Variants in CDH18 observed in about 807,000 individuals in gnomAD.
The protein encoded by CDH18 is cadherin-18.
CDH18 carries 31 observed loss-of-function variants against 67.9 expected under a neutral mutation model. The ratio of observed to expected loss-of-function variants is 0.46; its 90% CI spans 0.34 to 0.62. The LOEUF (loss-of-function observed/expected upper bound fraction) is 0.62. Ranked by LOEUF, CDH18 falls within the 20% of genes least tolerant of loss-of-function variation. The pLI is 0.01. For synonymous variants in CDH18, 362 were observed against 347.2 expected (o/e 1.04, Z -0.48); for missense variants, 890 against 975.5 (o/e 0.91, Z 1.17).
intron 3 of CDH18, among the ~76,000 whole-genome samples, chr5:19,800,581 T>C (rs903304427): frequency 6.6e-6 from 1 of 152,088 alleles, no homozygotes; most frequent in African/African-American, 2.4e-5. Flanking sequence ...GTATTTTATA[T>C]ATATTGAAAA....
At chr5:20,539,435 T>C (rs1258917998) in intron 1 of CDH18, among the ~76,000 whole-genome samples, 2 of 152,102 alleles carry the variant, frequency 1.3e-5, no homozygotes, top group African/African-American at 4.8e-5. Flanking sequence ...CCATTGACAA[T>C]GTTTCTGGTA....
At chr5:20,371,395 C>T (rs1192283180) in intron 1 of CDH18, among the ~76,000 whole-genome samples, 1 of 152,086 alleles carries the variant, frequency 6.6e-6, no homozygotes, top group Non-Finnish European at 1.5e-5. Context: ...ATCAGACAAT[C>T]GGCAATGCCT....
At chr5:19,843,435 A>C (rs1440401061) in intron 2 of CDH18, among the ~76,000 whole-genome samples, 3 of 152,196 alleles carry the variant, frequency 2.0e-5, no homozygotes, top group African/African-American at 7.2e-5. Context: ...TGAAGAATTG[A>C]GGTTTGGGAA....
At chr5:20,097,892 T>A (rs1177340627) in intron 2 of CDH18, among the ~76,000 whole-genome samples, 1 of 152,144 alleles carries the variant, frequency 6.6e-6, no homozygotes, top group African/African-American at 2.4e-5. Flanking sequence ...TTTAGGAAAT[T>A]CGACTTTTGT....
At chr5:20,385,371 G>T (rs903880544) in intron 1 of CDH18, among the ~76,000 whole-genome samples, 4 of 152,060 alleles carry the variant, frequency 2.6e-5, no homozygotes, top group Non-Finnish European at 5.9e-5. Flanking sequence ...TGATCTAATA[G>T]TTCTGAGCTC....
intron 1 of CDH18, among the ~76,000 whole-genome samples, chr5:20,544,818 C>A (rs1315601904): frequency 6.6e-6 from 1 of 152,154 alleles, no homozygotes; most frequent in Admixed American, 6.6e-5. Flanking sequence ...CATTTTGAAG[C>A]CAATCATGCC....
rs80217182 is a variant in CDH18, at chr5:20,362,039, T to A, written c.-579-106534A>T. Among the ~76,000 whole-genome samples the A allele has an allele frequency of 0.01, 1,569 of 152,238 alleles. 143 individuals are homozygous for A. The East Asian group carries it at 0.23, about 22-fold the overall frequency. On this transcript the variant is annotated intron_variant, in intron 1 of 14. Transcript: ENST00000507958. ...GCCAGAGTCAATCATGCATATTTGA[T>A]AACCTAATAAATGAGGGAAGTATAC...
At chr5:20,425,472 ATATT>A (rs1266639091) in intron 1 of CDH18, among the ~76,000 whole-genome samples, 2 of 151,244 alleles carry the variant, frequency 1.3e-5, no homozygotes, top group Non-Finnish European at 2.9e-5. Flanking sequence ...ACAATAGAAA[ATATT>A]TATATAGTCA....
At chr5:20,434,873 C>T (rs1749051433) in intron 1 of CDH18, among the ~76,000 whole-genome samples, 1 of 151,982 alleles carries the variant, frequency 6.6e-6, no homozygotes. Flanking sequence ...TACTCCTTCC[C>T]TACTGACAAC....
At chr5:19,879,632 C>T (rs6863978) in intron 2 of CDH18, among the ~76,000 whole-genome samples, 123,522 of 151,980 alleles carry the variant, frequency 0.81, 51,627 homozygotes, top group Non-Finnish European at 0.91. Flanking sequence ...ACTGTGATTG[C>T]AGCAAGCATT....
At chr5:19,824,275 T>C (rs1337110278) in intron 3 of CDH18, among the ~76,000 whole-genome samples, 2 of 152,024 alleles carry the variant, frequency 1.3e-5, no homozygotes, top group African/African-American at 4.8e-5. Flanking sequence ...GCTGATCAAC[T>C]GAGAAACCAC....
intron 1 of CDH18, among the ~76,000 whole-genome samples, chr5:20,367,634 G>A (rs1281269174): frequency 6.6e-6 from 1 of 152,186 alleles, no homozygotes; most frequent in South Asian, 2.1e-4. Context: ...TTATCCATAT[G>A]CTAATGTTCC....
At chr5:19,912,208 G>A (rs10473236) in intron 2 of CDH18, among the ~76,000 whole-genome samples, 7 of 151,952 alleles carry the variant, frequency 4.6e-5, no homozygotes, top group African/African-American at 7.2e-5. Context: ...TAACGGCTTC[G>A]TAAAAGCAAA....
intron 3 of CDH18, among the ~76,000 whole-genome samples, chr5:19,830,184 C>A (rs1780858732): frequency 6.6e-6 from 1 of 152,036 alleles, no homozygotes; most frequent in African/African-American, 2.4e-5. Context: ...CAAAAAATGA[C>A]AAATGGGACC....
intron 1 of CDH18, among the ~76,000 whole-genome samples, chr5:20,338,908 C>T (rs1740012746): frequency 6.6e-6 from 1 of 152,138 alleles, no homozygotes; most frequent in African/African-American, 2.4e-5. Flanking sequence ...TAGGGCTTTG[C>T]CCAGGTACAC....
Position 19,747,186 on chromosome 5 carries a change from A to C in CDH18, c.279T>G (p.Thr93=), listed in dbSNP as rs778976848. Residue 93 remains threonine, a synonymous_variant, in exon 4 of 13, where the codon ACT becomes ACG. Coordinates refer to ENST00000382275, the MANE Select transcript of CDH18 (RefSeq NM_004934.5). The part of the protein sequence containing the change: ...KGDGSVKYIL[T]GEGAGTIFII... ...TAAATATAGTCCCAGCACCCTCTCC[A>C]GTAAGGATGTACTTGACAGATCCAT... 4 of 1,613,926 alleles carry C rather than the reference A, an allele frequency of 2.5e-6. No homozygotes were observed. Among genetic ancestry groups the C allele is most frequent in the Non-Finnish European group, 3.4e-6 (4 of 1,179,918 alleles).
rs1748054715 is a variant in CDH18, at chr5:20,423,856, A to G, written c.-580+151606T>C. On this transcript the variant is annotated intron_variant, in intron 1 of 14. Coordinates refer to the CDH18 transcript ENST00000507958. ...CAGCTACTCGGGAGGCTGAGGCAGG[A>G]GAATGGCATGAACCCGGGAGGTGGA... Among the ~76,000 whole-genome samples, 2 of 147,070 alleles carry G rather than the reference A, an allele frequency of 1.4e-5. 1 individual carries two copies. Among genetic ancestry groups the G allele is most frequent in the African/African-American group, 5.2e-5 (2 of 38,522 alleles).
At chr5:19,513,080 A>AATG (rs2126841941) in intron 10 of CDH18, among the ~76,000 whole-genome samples, 1 of 152,074 alleles carries the variant, frequency 6.6e-6, no homozygotes, top group Non-Finnish European at 1.5e-5. Flanking sequence ...TAATAAATAC[A>AATG]ACTTTAATCA....
chr5:20,086,721 G>A (rs1744985027), intron 2 of CDH18, among the ~76,000 whole-genome samples: 1 of 152,134 alleles, frequency 6.6e-6, no homozygotes, highest in South Asian at 2.1e-4. Context: ...ATGATTTACT[G>A]AATAGTTTAA....
Sources: gnomAD v4.1 joint callset for allele counts (sites outside exome capture counted in the v4.1 genomes callset) on GRCh38, gnomAD v4.1.1 for gene constraint, MANE v1.5 for transcripts, NCBI Gene and HGNC (gene_info 2026-07-23, HGNC 2026-07-21) for gene names.